FAM153A: variants seen among roughly 807,000 people sequenced by gnomAD.
FAM153A encodes protein FAM153A.
FAM153A carries 12 observed loss-of-function variants against 48.1 expected under a neutral mutation model. The ratio of observed to expected loss-of-function variants is 0.25; its 90% CI spans 0.16 to 0.40. The LOEUF (loss-of-function observed/expected upper bound fraction) is 0.40. Ranked by LOEUF, FAM153A falls within the 10% of genes least tolerant of loss-of-function variation. The pLI, the probability that FAM153A is intolerant of heterozygous loss-of-function variation, is 1.00. For synonymous variants in FAM153A, 36 were observed against 118.2 expected (o/e 0.30, Z 4.51); for missense variants, 111 against 345.8 (o/e 0.32, Z 5.38).
At chr5:177,759,234 C>G (rs1412070928) in intron 1 of FAM153A, among the ~76,000 whole-genome samples, 2 of 151,764 alleles carry the variant, frequency 1.3e-5, no homozygotes, top group South Asian at 2.1e-4. Context: ...TCATCACTGG[C>G]CATCAGAGAA....
intron 25 of FAM153A, among the ~76,000 whole-genome samples, chr5:177,715,944 G>A (rs1759668885): frequency 6.6e-6 from 1 of 151,418 alleles, no homozygotes; most frequent in Non-Finnish European, 1.5e-5. Flanking sequence ...TAAAAGTGCT[G>A]GGATTACAGG....
At chr5:177,707,392 A>G (rs933069867), downstream of FAM153A, among the ~76,000 whole-genome samples, 1 of 151,896 alleles carries the variant, frequency 6.6e-6, no homozygotes, top group Admixed American at 6.6e-5. Context: ...TATATAAATA[A>G]TGGTAATGGT....
chr5:177,754,003 G>A (rs561076286), upstream of FAM153A, among the ~76,000 whole-genome samples: 74 of 152,092 alleles, frequency 4.9e-4, no homozygotes, highest in South Asian at 0.015. Flanking sequence ...GACAGTGGGT[G>A]CAGTGCACCA....
At chr5:177,716,357 C>T (rs1285785432) in exon 25 of FAM153A, 2 of 151,834 alleles carry the variant, frequency 1.3e-5, no homozygotes, top group Non-Finnish European at 2.9e-5. Context: ...ATGAAGAATT[C>T]CAATCTTCAA....
chr5:177,782,718 C>G (rs1317422224), upstream of FAM153A: 1 of 83,378 alleles, frequency 1.2e-5, no homozygotes, highest in Non-Finnish European at 2.4e-5. Context: ...TCAAAATCCC[C>G]GATCCAAATC....
chr5:177,743,193 T>TC (rs1162278043), intron 6 of FAM153A, among the ~76,000 whole-genome samples: 156 of 51,050 alleles, frequency 3.1e-3, no homozygotes, highest in Non-Finnish European at 4.1e-3. Flanking sequence ...TTCACTTGTT[T>TC]TTTTTTTGTT....
At chr5:177,708,434 A>G (rs1758048513), downstream of FAM153A, among the ~76,000 whole-genome samples, 1 of 151,916 alleles carries the variant, frequency 6.6e-6, no homozygotes, top group Non-Finnish European at 1.5e-5. Flanking sequence ...AAAATTAGCC[A>G]GGCGTGGTGG....
chr5:177,700,029 C>T, the FAM153A span, among the ~76,000 whole-genome samples: 1 of 152,004 alleles, frequency 6.6e-6, no homozygotes, highest in Admixed American at 6.5e-5. Flanking sequence ...GGATTTATCC[C>T]AGGAATGCAT....
downstream of FAM153A, among the ~76,000 whole-genome samples, chr5:177,706,323 A>T (rs1387506022): frequency 6.6e-6 from 1 of 151,652 alleles, no homozygotes; most frequent in Non-Finnish European, 1.5e-5. Flanking sequence ...CAGCCTCCTG[A>T]GTAGCTGGGA....
downstream of FAM153A, among the ~76,000 whole-genome samples, chr5:177,703,611 T>A (rs1757639091): frequency 6.8e-6 from 1 of 147,510 alleles, no homozygotes; most frequent in African/African-American, 2.5e-5. Flanking sequence ...TCGGGCATGG[T>A]GGGGGGTGAT....
chr5:177,778,357 T>A (rs1162406599), intron 1 of FAM153A, among the ~76,000 whole-genome samples: 4 of 69,178 alleles, frequency 5.8e-5, no homozygotes, highest in Non-Finnish European at 1.1e-4. Context: ...GAATAAAAAA[T>A]AGGGAATCTT....
chr5:177,708,510 G>A (rs556457075), downstream of FAM153A, among the ~76,000 whole-genome samples: 1 of 151,838 alleles, frequency 6.6e-6, no homozygotes, highest in Non-Finnish European at 1.5e-5. Context: ...CCGGGAGGCG[G>A]AGGTTGCGGT....
chr5:177,781,469 A>G (rs1769660249), upstream of FAM153A: 1 of 108,166 alleles, frequency 9.2e-6, no homozygotes, highest in Admixed American at 9.8e-5. Context: ...AGTAGGTGTC[A>G]TGCAAAAATG....
At position 177,735,060 on chromosome 5, in the gene FAM153A, C is replaced by G. The variant is rs1764490577; in HGVS notation, c.665-127G>C. The stretch of plus-strand genomic sequence containing the variant: ...GGAGAGATGCAGGAAGAAAGGGAAT[C>G]AGGGCCTTTGGCTTCCTAGCTCCAG... On this transcript the variant is annotated intron_variant, in intron 12 of 20. Transcript: ENST00000614127. The G allele has an allele frequency of 6.0e-6, 4 of 662,206 alleles. No individual in the cohort carries two copies. In the East Asian group the frequency reaches 1.3e-4, roughly 22 times the overall value. The allele number at this position is 662,206 out of a possible 1,614,324, so 41.0% of individuals were successfully genotyped here. A position where few individuals can be genotyped will look rare whatever the true frequency, so the allele number is the denominator to read the frequency against.
chr5:177,772,062 C>T (rs1769136408), intron 1 of FAM153A, among the ~76,000 whole-genome samples: 1 of 98,222 alleles, frequency 1.0e-5, no homozygotes, highest in East Asian at 3.1e-4. Context: ...TGGGGGTGGT[C>T]TTGGGAACCC....
chr5:177,719,453 AAG>A (rs1461210030), downstream of FAM153A, among the ~76,000 whole-genome samples: 1 of 150,724 alleles, frequency 6.6e-6, no homozygotes, highest in Non-Finnish European at 1.5e-5. Flanking sequence ...GAGAGAGAGA[AAG>A]AGAGAAAAAG....
chr5:177,738,641 A>C (rs188368165), intron 10 of FAM153A, among the ~76,000 whole-genome samples: 1 of 151,332 alleles, frequency 6.6e-6, no homozygotes, highest in Admixed American at 6.6e-5. Context: ...CGCTTGGCAA[A>C]TTCATCTCTG....
intron 2 of FAM153A, among the ~76,000 whole-genome samples, chr5:177,749,770 A>C (rs1766576941): frequency 7.1e-6 from 1 of 140,704 alleles, no homozygotes; most frequent in South Asian, 2.3e-4. Flanking sequence ...GTAGGCCTCT[A>C]TCATTATAGA....
upstream of FAM153A, among the ~76,000 whole-genome samples, chr5:177,756,324 A>G (rs1170185037): frequency 7.7e-3 from 1,147 of 148,660 alleles, no homozygotes; most frequent in African/African-American, 0.027. Flanking sequence ...AGGAGCCCCC[A>G]GATTCATAAA....
Sources: gnomAD v4.1 joint callset for allele counts (sites outside exome capture counted in the v4.1 genomes callset) on GRCh38, gnomAD v4.1.1 for gene constraint, MANE v1.5 for transcripts, NCBI Gene and HGNC (gene_info 2026-07-23, HGNC 2026-07-21) for gene names.